The following AGO3 variants were observed in gnomAD, a reference collection of about 807,000 sequenced individuals.
AGO3 encodes the protein protein argonaute-3.
Under a neutral mutation model 105.5 loss-of-function variants are expected in AGO3, and 16 were observed. That is an observed-to-expected ratio of 0.15 (90% CI 0.10 to 0.23). The LOEUF is 0.23. Ranked by LOEUF, AGO3 falls within the 10% of genes least tolerant of loss-of-function variation. AGO3 has a pLI of 1.00. For missense variants in AGO3, 534 were observed against 1,088.0 expected (o/e 0.49, Z 7.16); for synonymous variants, 340 against 367.3 (o/e 0.93, Z 0.85).
chr1:36,018,819 C>T (rs1216811845), intron 11 of AGO3, among the ~76,000 whole-genome samples: 1 of 151,990 alleles, frequency 6.6e-6, no homozygotes, highest in African/African-American at 2.4e-5. Flanking sequence ...TTGTTCATAA[C>T]AGGCATGAAC....
intron 5 of AGO3, among the ~76,000 whole-genome samples, chr1:35,987,628 A>G (rs1458520014): frequency 6.6e-6 from 1 of 152,116 alleles, no homozygotes; most frequent in Non-Finnish European, 1.5e-5. Flanking sequence ...GGATCCTTTT[A>G]GGAAGAAAAA....
At chr1:36,050,832 C>CGTTTTGTTTT (rs113654282) in intron 17 of AGO3, among the ~76,000 whole-genome samples, 29 of 146,160 alleles carry the variant, frequency 2.0e-4, no homozygotes, top group African/African-American at 4.8e-4. Context: ...TGATTTCTTT[C>CGTTTTGTTTT]GTTTTGTTTT....
At chr1:35,991,741 A>G (rs1200212200) in intron 5 of AGO3, among the ~76,000 whole-genome samples, 1 of 152,034 alleles carries the variant, frequency 6.6e-6, no homozygotes, top group Non-Finnish European at 1.5e-5. Flanking sequence ...CCTAAGTGTT[A>G]TCTTTCATAG....
Position 36,039,933 on chromosome 1 carries a change from T to C in AGO3, c.1986T>C (p.Pro662=), listed in dbSNP as rs1642177938. Residue 662 remains proline, a synonymous_variant, in exon 15 of 19, where the codon CCT becomes CCC. Transcript: ENST00000373191. The part of the protein sequence containing the change: ...IQFYKSTRFK[P]TRIIFYRDGV... ...TTTATAAGTCAACTCGGTTCAAGCC[T>C]ACTCGTATCATCTTTTATCGGGATG... The C allele has an allele frequency of 3.1e-6, 5 of 1,613,834 alleles. No individual in the cohort carries two copies. Among genetic ancestry groups the C allele is most frequent in the African/African-American group, 1.3e-5 (1 of 74,900 alleles).
In AGO3 at chr1:35,969,835, C is replaced by T. The variant is rs533446711; in HGVS notation, c.313-2189C>T. ...GTTACTATACCGAATACTGTAGGCA[C>T]TTGTAAGACAATGGTAAATATTTGT... On this transcript the variant is annotated intron_variant, in intron 3 of 18. Transcript: ENST00000373191. Among the ~76,000 whole-genome samples, 71 of 152,240 alleles carry T rather than the reference C, an allele frequency of 4.7e-4. No homozygotes were observed. The Middle Eastern group carries it at 0.01, about 22-fold the overall frequency.
rs77751020 is a variant in AGO3 at position 35,972,624 on chromosome 1, T to C, written c.521+392T>C. 3.7e-3 allele frequency among the ~76,000 whole-genome samples: 563 copies of C among 152,168 alleles called. 1 individual carries two copies. The highest frequency in any genetic ancestry group is 6.9e-3 in the Non-Finnish European group (471 of 67,982). ...TTTTCAATAACCCTAGGACCTCACA[T>C]GTGTAGGGTATGCTCCTGTGTGTGA... On this transcript the variant is annotated intron_variant, in intron 4 of 18. Transcript: ENST00000373191.
intron 17 of AGO3, among the ~76,000 whole-genome samples, chr1:36,050,833 G>A (rs959998253): frequency 5.1e-5 from 7 of 137,902 alleles, no homozygotes; most frequent in Non-Finnish European, 9.2e-5. Context: ...GATTTCTTTC[G>A]TTTTGTTTTG....
intron 5 of AGO3, among the ~76,000 whole-genome samples, chr1:35,990,249 C>A (rs577241539): frequency 6.6e-6 from 1 of 152,272 alleles, no homozygotes; most frequent in African/African-American, 2.4e-5. Flanking sequence ...TGGCTCACGC[C>A]TGTAATCCCA....
In AGO3 at chr1:35,951,709, G is replaced by T. The variant is rs1243223035; in HGVS notation, c.191+5846G>T. On this transcript the variant is annotated intron_variant, in intron 2 of 18. Coordinates refer to ENST00000373191, the MANE Select transcript of AGO3 (RefSeq NM_024852.4). ...CAGACAGATGATTGAATTTTAGAAAGAAAAAAGTAAATCTATATTGATCCA... is the reference window on the plus strand; with the variant it reads ...CAGACAGATGATTGAATTTTAGAAATAAAAAAGTAAATCTATATTGATCCA... 5.9e-5 allele frequency among the ~76,000 whole-genome samples: 9 copies of T among 152,018 alleles called. No individual in the cohort carries two copies. In the East Asian group the frequency reaches 1.5e-3, roughly 26 times the overall value.
chr1:36,013,614 CTT>C lies in AGO3; in HGVS notation c.1150-12_1150-11del, dbSNP rs767840815. The C allele has an allele frequency of 4.6e-5, 74 of 1,611,958 alleles. No homozygotes were observed. The Admixed American group carries it at 9.2e-4, about 20-fold the overall frequency. On this transcript the variant is annotated splice_polypyrimidine_tract_variant and intron_variant, in intron 9 of 18. Coordinates refer to ENST00000373191, the MANE Select transcript of AGO3 (RefSeq NM_024852.4). The stretch of plus-strand genomic sequence containing the variant: ...GGGGAATTTTGAGAGTAACTACAAA[CTT>C]TTTCTATTTTTAGGTAAGAAGTGCA...
chr1:35,990,660 A>C (rs943722361), intron 5 of AGO3, among the ~76,000 whole-genome samples: 1 of 152,212 alleles, frequency 6.6e-6, no homozygotes, highest in African/African-American at 2.4e-5. Context: ...AGTAGTTAGA[A>C]GTTCACACTG....
intron 12 of AGO3, among the ~76,000 whole-genome samples, chr1:36,031,391 G>A (rs1418790290): frequency 6.6e-6 from 1 of 151,814 alleles, no homozygotes; most frequent in East Asian, 1.9e-4. Flanking sequence ...CTTCTCTCTG[G>A]AAAATTCTTT....
At chr1:36,013,832 A>G (rs531973599) in intron 10 of AGO3, 80 bp downstream of exon 10, 54 of 1,600,974 alleles carry the variant, frequency 3.4e-5, no homozygotes, top group Admixed American at 1.0e-4. Context: ...AAATATTTCA[A>G]TTCAGCGATT....
At chr1:35,988,412 C>A (rs625308) in intron 5 of AGO3, among the ~76,000 whole-genome samples, 148,051 of 152,222 alleles carry the variant, frequency 0.97, 72,023 homozygotes, top group East Asian at 1. Context: ...CTGAAAGTTT[C>A]TATGCTTTGA....
At chr1:36,033,086 T>G (rs974381835) in intron 12 of AGO3, among the ~76,000 whole-genome samples, 2 of 152,024 alleles carry the variant, frequency 1.3e-5, no homozygotes, top group African/African-American at 4.8e-5. Context: ...TGAACCGAGA[T>G]TGCGCCGTTG....
At chr1:36,018,718 A>C (rs1046448672) in intron 11 of AGO3, among the ~76,000 whole-genome samples, 1 of 152,180 alleles carries the variant, frequency 6.6e-6, no homozygotes, top group African/African-American at 2.4e-5. Context: ...GGCATGAGCC[A>C]CCACACCTGG....
Position 36,039,935 on chromosome 1 carries a change from C to T in AGO3, c.1988C>T (p.Thr663Ile), listed in dbSNP as rs1261569146. The T allele has an allele frequency of 6.2e-7, 1 of 1,613,818 alleles. No individual in the cohort carries two copies. The highest frequency in any genetic ancestry group is 1.1e-5 in the South Asian group (1 of 91,022). The change falls in exon 15 of 19, where the codon ACT becomes ATT. Residue 663 changes from threonine to isoleucine, a missense_variant. By Grantham distance (89) the Thr-to-Ile change is moderately conservative (BLOSUM62 -1). This residue lies in a region of AGO3 where 373 missense variants were observed against 854.0 expected (regional missense o/e 0.44). Coordinates refer to ENST00000373191, the MANE Select transcript of AGO3 (RefSeq NM_024852.4). ...TATAAGTCAACTCGGTTCAAGCCTA[C>T]TCGTATCATCTTTTATCGGGATGGT... is the stretch of plus-strand genomic sequence containing the variant. ...QFYKSTRFKP[T>I]RIIFYRDGVS...
intron 5 of AGO3, among the ~76,000 whole-genome samples, chr1:35,979,719 A>G (rs1447643650): frequency 2.0e-5 from 3 of 152,150 alleles, no homozygotes; most frequent in African/African-American, 7.2e-5. Context: ...TAACCTTTAT[A>G]TAAGTGACTT....
At chr1:36,007,784 C>T (rs1640408352) in intron 6 of AGO3, among the ~76,000 whole-genome samples, 2 of 152,066 alleles carry the variant, frequency 1.3e-5, no homozygotes, top group South Asian at 2.1e-4. Context: ...TAGTGATTAC[C>T]ATATTAGCAT....
Sources: gnomAD v4.1 joint callset for allele counts (sites outside exome capture counted in the v4.1 genomes callset) on GRCh38, gnomAD v4.1.1 for gene constraint, gnomAD v4.1.1 regional missense constraint, MANE v1.5 for transcripts, NCBI Gene and HGNC (gene_info 2026-07-23, HGNC 2026-07-21) for gene names.